The following MED15 variants were observed in gnomAD, a reference collection of about 807,000 sequenced individuals.
The protein encoded by MED15 is mediator of RNA polymerase II transcription subunit 15.
A neutral mutation model predicts 118.7 loss-of-function variants in MED15; 41 were observed. The observed-to-expected ratio is 0.35, with a 90% CI of 0.27 to 0.45. The LOEUF is 0.45. Ranked by LOEUF, MED15 falls within the 20% of genes least tolerant of loss-of-function variation. The pLI is 1.00. For missense variants in MED15, 740 were observed against 1,025.5 expected, an observed-to-expected ratio of 0.72 and a Z score of 3.80; for synonymous variants, 436 against 413.9, an observed-to-expected ratio of 1.05 and a Z score of -0.65.
intron 2 of MED15, among the ~76,000 whole-genome samples, chr22:20,549,469 G>A (rs1335750642): frequency 6.6e-6 from 1 of 152,078 alleles, no homozygotes; most frequent in Non-Finnish European, 1.5e-5. Context: ...GGATGGGGGT[G>A]GGGGTGGATG....
intron 1 of MED15, among the ~76,000 whole-genome samples, chr22:20,528,960 C>T (rs1308632608): frequency 6.6e-6 from 1 of 152,192 alleles, no homozygotes; most frequent in Non-Finnish European, 1.5e-5. Context: ...CTTTCACCCT[C>T]TGTCCCAGAG....
chr22:20,511,505 A>G (rs904374638), intron 1 of MED15, among the ~76,000 whole-genome samples: 11 of 151,664 alleles, frequency 7.3e-5, no homozygotes, highest in African/African-American at 2.7e-4. Flanking sequence ...AAAGAAAAAA[A>G]AAAAGCATTC....
chr22:20,525,529 T>C (rs1351224053), intron 1 of MED15, among the ~76,000 whole-genome samples: 1 of 138,972 alleles, frequency 7.2e-6, no homozygotes, highest in East Asian at 2.2e-4. Flanking sequence ...ATGACCTTTC[T>C]CTTTTTTTTT....
intron 1 of MED15, among the ~76,000 whole-genome samples, chr22:20,528,254 T>C (rs554898692): frequency 2.9e-4 from 44 of 152,298 alleles, no homozygotes; most frequent in African/African-American, 1.1e-3. Flanking sequence ...CATTGAAGGC[T>C]CATCTGGCTG....
At position 20,583,406 on chromosome 22, in the gene MED15, C is replaced by T; in HGVS notation, c.1736+13C>T. On this transcript the variant is annotated intron_variant, in intron 13 of 17. Transcript: ENST00000263205. ...ACCCCTCGAAGCGGTGAGCTTTGCC[C>T]ACAGCCCACGGAGGGTCCACAAGGG... is the stretch of plus-strand genomic sequence containing the variant. 1 of 1,611,500 alleles carries T rather than the reference C, an allele frequency of 6.2e-7. No homozygotes were observed.
intron 8 of MED15, among the ~76,000 whole-genome samples, chr22:20,572,989 C>CA (rs1476581872): frequency 7.1e-6 from 1 of 140,396 alleles, no homozygotes; most frequent in African/African-American, 2.7e-5. Flanking sequence ...TTTTTAAAGA[C>CA]AGAGTCTCTT....
chr22:20,566,381 T>C (rs574688431), intron 6 of MED15, 86 bp from the exon 7 acceptor site: 2 of 1,568,394 alleles, frequency 1.3e-6, no homozygotes, highest in East Asian at 4.5e-5. Context: ...CCACCTGGGC[T>C]TCCTGAGGCC....
intron 1 of MED15, among the ~76,000 whole-genome samples, chr22:20,528,729 A>C (rs1462489160): frequency 6.6e-6 from 1 of 152,176 alleles, no homozygotes; most frequent in African/African-American, 2.4e-5. Context: ...GGGTCTCGGC[A>C]GTTAGCGTGC....
rs144476556 is a variant in MED15 at position 20,582,530 on chromosome 22, C to G, written c.1273-81C>G. On this transcript the variant is annotated intron_variant, in intron 9 of 17. Transcript: ENST00000263205. ...GGTGAGGCTGTGCGGGAGGATGGGC[C>G]TATGCGTGCGGTGGGCAGGTGGTGT... The G allele has an allele frequency of 2.5e-3, 3,800 of 1,530,554 alleles. 4 individuals are homozygous for G. The highest frequency in any genetic ancestry group is 3.0e-3 in the Non-Finnish European group (3,471 of 1,143,518). The allele number at this position is 1,530,554 out of a possible 1,614,324, so 94.8% of individuals were successfully genotyped here.
intron 4 of MED15, among the ~76,000 whole-genome samples, chr22:20,554,046 G>T (rs2055891655): frequency 6.6e-6 from 1 of 152,250 alleles, no homozygotes; most frequent in South Asian, 2.1e-4. Context: ...CTCACAGGCT[G>T]CACGCCACTG....
chr22:20,568,152 G>C (rs994940899), intron 7 of MED15, among the ~76,000 whole-genome samples: 8 of 152,176 alleles, frequency 5.3e-5, no homozygotes, highest in Admixed American at 2.6e-4. Flanking sequence ...TCTGCTGGCC[G>C]GCTAACCCAG....
At chr22:20,546,988 A>C (rs1255553749) in intron 2 of MED15, among the ~76,000 whole-genome samples, 1 of 151,948 alleles carries the variant, frequency 6.6e-6, no homozygotes, top group African/African-American at 2.4e-5. Flanking sequence ...AACAACAAAA[A>C]CCCATAATTT....
chr22:20,583,282 G>C (rs201794410), intron 12 of MED15, 35 bp downstream of exon 12: 10 of 1,613,274 alleles, frequency 6.2e-6, no homozygotes, highest in Middle Eastern at 1.7e-4. Flanking sequence ...CTGCACCCTG[G>C]GGACACCACC....
intron 1 of MED15, among the ~76,000 whole-genome samples, chr22:20,509,583 G>T (rs796749684): frequency 1.3e-5 from 2 of 152,006 alleles, no homozygotes; most frequent in African/African-American, 4.8e-5. Context: ...TGGATGGAGG[G>T]GGGTGGGGTG....
chr22:20,566,126 G>A (rs2056430671), intron 6 of MED15, among the ~76,000 whole-genome samples: 1 of 142,668 alleles, frequency 7.0e-6, no homozygotes, highest in Non-Finnish European at 1.5e-5. Context: ...TGCAACCTCT[G>A]CCCCACCAGT....
At chr22:20,526,128 C>T (rs2054637445) in intron 1 of MED15, among the ~76,000 whole-genome samples, 1 of 151,998 alleles carries the variant, frequency 6.6e-6, no homozygotes, top group Admixed American at 6.6e-5. Context: ...ACTATATTGC[C>T]CAGGCCAATC....
intron 1 of MED15, among the ~76,000 whole-genome samples, chr22:20,527,621 T>C (rs947835947): frequency 4.6e-5 from 7 of 152,070 alleles, no homozygotes; most frequent in Non-Finnish European, 1.0e-4. Flanking sequence ...TTTTTGTTTT[T>C]CGTAGAGATG....
chr22:20,536,484 CA>C (rs1344332352), intron 1 of MED15, among the ~76,000 whole-genome samples: 1 of 152,198 alleles, frequency 6.6e-6, no homozygotes. Flanking sequence ...TCTCTTAGTA[CA>C]AAATTGTTGG....
intron 14 of MED15, 36 bp from the exon 15 acceptor site, chr22:20,584,819 G>T: frequency 6.2e-7 from 1 of 1,607,150 alleles, no homozygotes. Context: ...GAACCCTCGG[G>T]TCCCGGGCTG....
Sources: allele counts gnomAD v4.1 joint callset (sites outside exome capture counted in the v4.1 genomes callset), GRCh38; gene constraint gnomAD v4.1.1; transcripts MANE v1.5; gene names NCBI Gene and HGNC (gene_info 2026-07-23, HGNC 2026-07-21).